Variants in MYO1D observed in about 807,000 individuals in gnomAD.
MYO1D encodes myosin ID.
In MYO1D, 83 loss-of-function variants were observed where a neutral mutation model predicts 122.0. The observed-to-expected ratio is 0.68, with a 90% CI of 0.57 to 0.82. The LOEUF (loss-of-function observed/expected upper bound fraction) is 0.82, where lower values mean the gene tolerates loss of function less well. Ranked by LOEUF, MYO1D falls within the 40% of genes least tolerant of loss-of-function variation. MYO1D has a pLI of 0.00. For missense variants in MYO1D, 1,157 were observed against 1,269.5 expected (o/e 0.91, Z 1.35); for synonymous variants, 464 against 446.9 (o/e 1.04, Z -0.48).
chr17:32,747,840 A>G (rs2089853680), intron 12 of MYO1D, among the ~76,000 whole-genome samples: 1 of 151,978 alleles, frequency 6.6e-6, no homozygotes, highest in South Asian at 2.1e-4. Context: ...CCATCTCAAA[A>G]AAAAGGAAAA....
intron 1 of MYO1D, among the ~76,000 whole-genome samples, chr17:32,822,486 G>A (rs1274017506): frequency 5.4e-5 from 8 of 146,790 alleles, no homozygotes; most frequent in Non-Finnish European, 1.1e-4. Context: ...CGGGGGGCGC[G>A]CGTCCCCGGT....
chr17:32,873,670 G>T (rs1328849169), intron 1 of MYO1D, among the ~76,000 whole-genome samples: 2 of 152,142 alleles, frequency 1.3e-5, no homozygotes, highest in African/African-American at 4.8e-5. Flanking sequence ...GAGGGTAAGG[G>T]TGCTACCCTT....
At chr17:32,566,794 G>A (rs912813918) in intron 21 of MYO1D, among the ~76,000 whole-genome samples, 14 of 150,274 alleles carry the variant, frequency 9.3e-5, no homozygotes, top group African/African-American at 3.4e-4. Flanking sequence ...GCTTTAAAAA[G>A]CAACTTGTAA....
At chr17:32,514,352 C>T (rs781239034) in intron 21 of MYO1D, among the ~76,000 whole-genome samples, 3 of 151,814 alleles carry the variant, frequency 2.0e-5, no homozygotes, top group Non-Finnish European at 2.9e-5. Flanking sequence ...ACTGGCTTCC[C>T]GAAGTGCTGG....
chr17:32,867,966 T>G (rs1410201102), intron 1 of MYO1D, among the ~76,000 whole-genome samples: 1 of 150,902 alleles, frequency 6.6e-6, no homozygotes. Context: ...CTAGCAATAG[T>G]GCCTAGATGT....
chr17:32,610,592 A>G (rs1243473130), intron 20 of MYO1D, among the ~76,000 whole-genome samples: 1 of 152,104 alleles, frequency 6.6e-6, no homozygotes, highest in East Asian at 1.9e-4. Flanking sequence ...TTTTCTGCAA[A>G]ATAAGGATAA....
At chr17:32,524,706 G>GCA (rs1477662400) in intron 21 of MYO1D, among the ~76,000 whole-genome samples, 2 of 152,014 alleles carry the variant, frequency 1.3e-5, no homozygotes, top group Non-Finnish European at 2.9e-5. Context: ...GGGATTACAG[G>GCA]TGCCCACCAC....
At chr17:32,732,547 T>C (rs941927525) in intron 14 of MYO1D, among the ~76,000 whole-genome samples, 18 of 152,106 alleles carry the variant, frequency 1.2e-4, no homozygotes, top group African/African-American at 3.4e-4. Context: ...TGGTCTCCTC[T>C]ATGCTGAGAG....
intron 1 of MYO1D, among the ~76,000 whole-genome samples, chr17:32,824,557 C>T (rs149918288): frequency 1.3e-5 from 2 of 152,328 alleles, no homozygotes; most frequent in East Asian, 3.9e-4. Context: ...TTAATCCTCA[C>T]AACCCTGTTA....
At chr17:32,704,874 T>C (rs997384388) in intron 16 of MYO1D, among the ~76,000 whole-genome samples, 107 of 152,330 alleles carry the variant, frequency 7.0e-4, no homozygotes, top group African/African-American at 2.5e-3. Context: ...ACAACAGTGA[T>C]GTAACAATTT....
At position 32,844,327 on chromosome 17, in the gene MYO1D, A is replaced by C. The variant is rs2090914062; in HGVS notation, c.95+32451T>G. ...TAATATGCATATGTATATATTATAT[A>C]ATATGTATATGTATATATTATATGT... On this transcript the variant is annotated intron_variant, in intron 1 of 21. Transcript: ENST00000318217. Among the ~76,000 whole-genome samples, 3 of 146,854 alleles carry C rather than the reference A, an allele frequency of 2.0e-5. No individual in the cohort carries two copies. The South Asian group carries it at 6.3e-4, about 31-fold the overall frequency.
intron 21 of MYO1D, among the ~76,000 whole-genome samples, chr17:32,552,419 C>CCCATCCATCCATCCATCCAT (rs60290556): frequency 7.0e-6 from 1 of 143,500 alleles, no homozygotes. Context: ...CATCCATCCA[C>CCCATCCATCCATCCATCCAT]CCATCCATCC....
At position 32,876,939 on chromosome 17, in the gene MYO1D, A is replaced by T. The variant is rs2091239922; in HGVS notation, c.-67T>A. ...GGGGCCGCTCCGTGGGCCCGCGATG[A>T]GCTCGGGAGGGGCCGGGGCGAGGCC... On this transcript the variant is annotated 5_prime_UTR_variant, in exon 1 of 22. Transcript: ENST00000318217. The T allele has an allele frequency of 9.9e-7, 1 of 1,007,176 alleles. No individual in the cohort carries two copies. The highest frequency in any genetic ancestry group is 3.0e-5 in the South Asian group (1 of 33,802). 62.4% of individuals were successfully genotyped at this position (1,007,176 alleles called of 1,614,324 possible). A position where few individuals can be genotyped will look rare whatever the true frequency, so the allele number is the denominator to read the frequency against.
intron 20 of MYO1D, among the ~76,000 whole-genome samples, chr17:32,612,851 C>T (rs898718417): frequency 1.3e-5 from 2 of 152,002 alleles, no homozygotes; most frequent in African/African-American, 4.8e-5. Context: ...TCACTGCAGC[C>T]TCTACCTCCC....
intron 14 of MYO1D, among the ~76,000 whole-genome samples, chr17:32,733,428 C>A (rs1167950037): frequency 6.6e-6 from 1 of 152,128 alleles, no homozygotes; most frequent in Non-Finnish European, 1.5e-5. Context: ...GGTTGCAAAC[C>A]ACCTAAAAGC....
At position 32,609,019 on chromosome 17, in the gene MYO1D, A is replaced by G. The variant is rs2087666057; in HGVS notation, c.2710-3778T>C. 2.6e-5 allele frequency among the ~76,000 whole-genome samples: 4 copies of G among 152,334 alleles called. No homozygotes were observed. The South Asian group carries it at 8.3e-4, about 32-fold the overall frequency. On this transcript the variant is annotated intron_variant, in intron 20 of 21. Transcript: ENST00000318217. ...GGTTTGGGGTTATGAGGAGTCCGAT[A>G]CAAGGGAGTTTTTGGGGTATGGAAC...
intron 20 of MYO1D, among the ~76,000 whole-genome samples, chr17:32,612,420 C>T (rs2087712564): frequency 2.6e-5 from 4 of 152,148 alleles, no homozygotes; most frequent in Admixed American, 1.3e-4. Context: ...AGAGCAGTTG[C>T]TCAAGCCTCT....
intron 1 of MYO1D, among the ~76,000 whole-genome samples, chr17:32,857,677 C>T (rs1454255367): frequency 1.3e-5 from 2 of 152,166 alleles, no homozygotes; most frequent in Non-Finnish European, 2.9e-5. Flanking sequence ...AGAGGCACCC[C>T]TGCATGGAAT....
intron 21 of MYO1D, among the ~76,000 whole-genome samples, chr17:32,523,167 A>G (rs1026871160): frequency 3.9e-5 from 6 of 152,152 alleles, no homozygotes; most frequent in African/African-American, 1.4e-4. Flanking sequence ...TTGCCTGCCT[A>G]CCACATGGGA....
Sources: gnomAD v4.1 joint callset for allele counts (sites outside exome capture counted in the v4.1 genomes callset) on GRCh38, gnomAD v4.1.1 for gene constraint, MANE v1.5 for transcripts, NCBI Gene and HGNC (gene_info 2026-07-23, HGNC 2026-07-21) for gene names.